ERGIC1: variants seen among roughly 807,000 people sequenced by gnomAD.
ERGIC1 encodes endoplasmic reticulum-Golgi intermediate compartment protein 1.
A neutral mutation model predicts 38.3 loss-of-function variants in ERGIC1; 19 were observed. The ratio of observed to expected loss-of-function variants is 0.50; its 90% confidence interval spans 0.35 to 0.73. ERGIC1 has a LOEUF of 0.73. Ranked by LOEUF, ERGIC1 falls within the 30% of genes least tolerant of loss-of-function variation. The pLI, the probability that ERGIC1 is intolerant of heterozygous loss-of-function variation, is 0.01. For synonymous variants in ERGIC1, 124 were observed against 157.6 expected, an observed-to-expected ratio of 0.79 and a Z score of 1.60; for missense variants, 294 against 389.2, an observed-to-expected ratio of 0.76 and a Z score of 2.06.
chr5:172,915,767 C>T, intron 5 of ERGIC1: 1 of 394,352 alleles, frequency 2.5e-6, no homozygotes, highest in South Asian at 1.9e-5. Context: ...CACAACTCCC[C>T]TTCCCAGCCC....
At position 172,951,183 on chromosome 5, in the gene ERGIC1, T is replaced by G; in HGVS notation, c.*367T>G. On this transcript the variant is annotated 3_prime_UTR_variant, in exon 10 of 10. Transcript: ENST00000393784. ...TCAGCTCTCAGCCAGGCTTCGACAATCTCGCAGCCCCCACTAGGTGGACAC... is the reference window on the plus strand; with the variant it reads ...TCAGCTCTCAGCCAGGCTTCGACAAGCTCGCAGCCCCCACTAGGTGGACAC... 1 of 167,990 alleles carries G rather than the reference T, an allele frequency of 6.0e-6. No individual in the cohort carries two copies. Among genetic ancestry groups the G allele is most frequent in the Non-Finnish European group, 1.3e-5 (1 of 78,564 alleles). 10.4% of individuals were successfully genotyped at this position (167,990 alleles called of 1,614,324 possible).
At chr5:172,882,443 T>A (rs1762307260) in intron 1 of ERGIC1, among the ~76,000 whole-genome samples, 1 of 152,114 alleles carries the variant, frequency 6.6e-6, no homozygotes, top group African/African-American at 2.4e-5. Flanking sequence ...CTTCATCTGA[T>A]TTACCAAAAA....
chr5:172,863,953 T>C (rs1259194871), intron 1 of ERGIC1, among the ~76,000 whole-genome samples: 1 of 152,182 alleles, frequency 6.6e-6, no homozygotes, highest in Non-Finnish European at 1.5e-5. Flanking sequence ...CCCAGCACTT[T>C]GGGAGGCAGA....
chr5:172,937,997 C>CA (rs1247788648), intron 9 of ERGIC1: 113 of 124,732 alleles, frequency 9.1e-4, no homozygotes, highest in Middle Eastern at 7.7e-3. Flanking sequence ...GACTCCGTCT[C>CA]AAAAAAAAAA....
In ERGIC1 at chr5:172,909,739, T is replaced by C; in HGVS notation, c.228T>C (p.Ser76=). Residue 76 remains serine (S), a synonymous_variant, in exon 4 of 10, where the codon AGT becomes AGC. Coordinates refer to ENST00000393784, the MANE Select transcript of ERGIC1 (RefSeq NM_001031711.3). ...GGKIDVSLNI[S]LPNLHCELVG... ...AGATCGACGTCAGTCTGAACATCAG[T>C]TTACCCAATCTGCACTGCGAGTGTG... The C allele has an allele frequency of 1.9e-6, 3 of 1,614,172 alleles. No individual in the cohort carries two copies. Among genetic ancestry groups the C allele is most frequent in the Non-Finnish European group, 2.5e-6 (3 of 1,180,016 alleles).
chr5:172,950,689 C>T lies in ERGIC1; in HGVS notation c.766-20C>T. ...AGCACTGACTTCTGACACTCCCACC[C>T]CACCCCTGCCCTCTTGCAGATCTGT... is the stretch of plus-strand genomic sequence containing the variant. On this transcript the variant is annotated intron_variant, in intron 9 of 9. Transcript: ENST00000393784. 6.2e-7 allele frequency: 1 copy of T among 1,604,412 alleles called. No homozygotes were observed. Among genetic ancestry groups the T allele is most frequent in the Non-Finnish European group, 8.5e-7 (1 of 1,172,658 alleles).
chr5:172,868,860 T>C (rs1366876124), intron 1 of ERGIC1, among the ~76,000 whole-genome samples: 1 of 152,222 alleles, frequency 6.6e-6, no homozygotes, highest in African/African-American at 2.4e-5. Flanking sequence ...AAAACTGCTC[T>C]AAAAATATAG....
At chr5:172,905,096 C>G (rs1198237371) in intron 3 of ERGIC1, 3 of 160,482 alleles carry the variant, frequency 1.9e-5, no homozygotes, top group Admixed American at 1.8e-4. Context: ...TCACTTTGCT[C>G]TTGGCTGAGG....
intron 1 of ERGIC1, among the ~76,000 whole-genome samples, chr5:172,888,153 G>T (rs1318066325): frequency 6.6e-6 from 1 of 152,196 alleles, no homozygotes. Flanking sequence ...GTTACACTCT[G>T]ATGGAAGACC....
chr5:172,897,540 AG>A (rs1762753487), intron 3 of ERGIC1, among the ~76,000 whole-genome samples: 1 of 152,204 alleles, frequency 6.6e-6, no homozygotes, highest in Non-Finnish European at 1.5e-5. Flanking sequence ...GTTTCTTAAA[AG>A]GACTTTAAAG....
In ERGIC1 at chr5:172,935,218, A is replaced by G. The variant is rs1402145698; in HGVS notation, c.673A>G (p.Ile225Val). 1 of 1,614,052 alleles carries G rather than the reference A, an allele frequency of 6.2e-7. No homozygotes were observed. The highest frequency in any genetic ancestry group is 2.2e-5 in the East Asian group (1 of 44,870). The change falls in exon 9 of 10, where the codon ATC (isoleucine) becomes GTC (valine). Residue 225 changes from isoleucine to valine, a missense_variant. Around this residue, in one of 3 missense-constraint regions of ERGIC1, gnomAD observed 109 missense variants for 112.7 expected, o/e 0.97. Transcript: ENST00000393784. ...EYVAYSHTGR[I>V]IPAIWFRYDL... is the part of the protein sequence containing the mutation. ...CGTCGCCTACAGCCACACGGGCCGC[A>G]TCATCCCTGCAATCTGGTTCCGCTA...
At chr5:172,886,799 T>G (rs1170773320) in intron 1 of ERGIC1, among the ~76,000 whole-genome samples, 1 of 151,968 alleles carries the variant, frequency 6.6e-6, no homozygotes, top group Non-Finnish European at 1.5e-5. Context: ...GGTACAGTAG[T>G]GGTCATAGTT....
At chr5:172,920,463 C>G (rs142740491) in intron 5 of ERGIC1, 1 of 717,572 alleles carries the variant, frequency 1.4e-6, no homozygotes, top group African/African-American at 1.7e-5. Context: ...CAGCCAGCCC[C>G]GCAGGAGGAG....
chr5:172,859,727 C>G (rs1761648963), intron 1 of ERGIC1, among the ~76,000 whole-genome samples: 1 of 152,228 alleles, frequency 6.6e-6, no homozygotes, highest in African/African-American at 2.4e-5. Flanking sequence ...TTGCTGCTAT[C>G]CTCCGCAGGT....
intron 1 of ERGIC1, among the ~76,000 whole-genome samples, chr5:172,854,755 G>A (rs138667533): frequency 1.1e-3 from 171 of 152,364 alleles, no homozygotes; most frequent in African/African-American, 3.9e-3. Flanking sequence ...TACTTGTTTT[G>A]ACAAATCTTT....
chr5:172,845,039 TATA>T (rs142468986), intron 1 of ERGIC1, among the ~76,000 whole-genome samples: 19 of 151,598 alleles, frequency 1.3e-4, no homozygotes, highest in Admixed American at 6.6e-4. Flanking sequence ...GACGCAGGGG[TATA>T]TAGGGGGGAC....
intron 8 of ERGIC1, 111 bp downstream of exon 8, chr5:172,932,647 G>T: frequency 9.0e-7 from 1 of 1,105,772 alleles, no homozygotes; most frequent in South Asian, 1.4e-5. Context: ...CCTTTCTGGA[G>T]GCCTTTCCTG....
chr5:172,855,271 T>C (rs1434521208), intron 1 of ERGIC1, among the ~76,000 whole-genome samples: 3 of 152,176 alleles, frequency 2.0e-5, no homozygotes, highest in Non-Finnish European at 4.4e-5. Context: ...CTGTCTTCCA[T>C]ACCTGATCTG....
intron 1 of ERGIC1, among the ~76,000 whole-genome samples, chr5:172,843,504 TA>T (rs919396032): frequency 2.0e-5 from 3 of 152,266 alleles, no homozygotes; most frequent in Admixed American, 2.0e-4. Context: ...TAGAATTACC[TA>T]AAGTATCCTT....
Sources: gnomAD v4.1 joint callset for allele counts (sites outside exome capture counted in the v4.1 genomes callset) on GRCh38, gnomAD v4.1.1 for gene constraint, gnomAD v4.1.1 regional missense constraint, MANE v1.5 for transcripts, NCBI Gene and HGNC (gene_info 2026-07-23, HGNC 2026-07-21) for gene names.